The following MALRD1 variants were observed in gnomAD, a reference collection of about 807,000 sequenced individuals.
MALRD1 encodes MAM and LDL-receptor class A domain-containing protein 1.
Under a neutral mutation model 242.1 loss-of-function variants are expected in MALRD1, and 247 were observed. The observed-to-expected ratio is 1.02, with a 90% CI of 0.92 to 1.13. MALRD1 has a LOEUF of 1.13. Among genes scored for constraint, MALRD1 ranks in the 50% most tolerant of loss-of-function variants. MALRD1 has a pLI of 0.00. For synonymous variants in MALRD1, 995 were observed against 866.6 expected (o/e 1.15, Z -2.60); for missense variants, 2,989 against 2,533.1 (o/e 1.18, Z -3.86).
chr10:19,627,382 G>T (rs1388474889), intron 36 of MALRD1, among the ~76,000 whole-genome samples: 4 of 151,648 alleles, frequency 2.6e-5, no homozygotes, highest in African/African-American at 7.3e-5. Context: ...TATTCAGTGT[G>T]GTAAAAGACA....
intron 36 of MALRD1, among the ~76,000 whole-genome samples, chr10:19,635,778 TCACA>T (rs1291140539): frequency 6.6e-6 from 1 of 152,074 alleles, no homozygotes; most frequent in African/African-American, 2.4e-5. Context: ...CAAAATGCTC[TCACA>T]CACATGCATG....
chr10:19,233,994 T>A (rs1278418582), intron 18 of MALRD1, among the ~76,000 whole-genome samples: 1 of 152,078 alleles, frequency 6.6e-6, no homozygotes, highest in Admixed American at 6.5e-5. Flanking sequence ...TAATTGGTGC[T>A]GTATATGAAA....
chr10:19,156,574 T>G (rs1834155790), intron 12 of MALRD1, among the ~76,000 whole-genome samples: 1 of 151,954 alleles, frequency 6.6e-6, no homozygotes, highest in Admixed American at 6.6e-5. Flanking sequence ...TCACAAATGT[T>G]AGATATATAG....
Position 19,702,311 on chromosome 10 carries a change from C to G in MALRD1, c.6314+9757C>G, listed in dbSNP as rs572157908. On this transcript the variant is annotated intron_variant, in intron 38 of 39. Coordinates refer to ENST00000454679, the MANE Select transcript of MALRD1 (RefSeq NM_001142308.3). ...CACCCTACTCTTGGGAAAAGTCTCACTATTCCCAAAAAGCATATGACTATT... is the reference window on the plus strand; with the variant it reads ...CACCCTACTCTTGGGAAAAGTCTCAGTATTCCCAAAAAGCATATGACTATT... Among the ~76,000 whole-genome samples, 7 of 152,320 alleles carry G rather than the reference C, an allele frequency of 4.6e-5. No individual in the cohort carries two copies. In the South Asian group the frequency reaches 8.3e-4, roughly 18 times the overall value.
chr10:19,370,172 A>T (rs1352903960), intron 26 of MALRD1, among the ~76,000 whole-genome samples: 1 of 152,150 alleles, frequency 6.6e-6, no homozygotes, highest in African/African-American at 2.4e-5. Context: ...ATACCTGTAG[A>T]TCTACAACTG....
chr10:19,486,359 C>T (rs1191976067), intron 29 of MALRD1, among the ~76,000 whole-genome samples: 2 of 152,134 alleles, frequency 1.3e-5, no homozygotes, highest in Admixed American at 1.3e-4. Context: ...GTCTAAGCTC[C>T]TTTCATGCCT....
chr10:19,167,411 C>G (rs1328700737), intron 13 of MALRD1, among the ~76,000 whole-genome samples: 2 of 152,164 alleles, frequency 1.3e-5, no homozygotes, highest in East Asian at 3.9e-4. Context: ...CCGAAGCCCT[C>G]TATGCCTCTT....
In MALRD1 at chr10:19,087,914, A is replaced by G. The variant is rs1835728409; in HGVS notation, c.415A>G (p.Asn139Asp). 7 of 1,233,284 alleles carry G rather than the reference A, an allele frequency of 5.7e-6. No individual in the cohort carries two copies. Among genetic ancestry groups the G allele is most frequent in the East Asian group, 3.2e-5 (1 of 31,688 alleles). 76.4% of individuals were successfully genotyped at this position (1,233,284 alleles called of 1,614,324 possible). The change falls in exon 3 of 40, where the codon AAT becomes GAT. Residue 139 changes from asparagine (N) to aspartate (D), a missense_variant. Transcript: ENST00000454679. The stretch of plus-strand genomic sequence containing the variant: ...AAGAAGCAGAGTTTTCCTTCCAACA[A>G]ATGATCAACATGACTGCCAGGTATT... ...SLRSRVFLPT[N>D]DQHDCQITFY...
At chr10:19,441,271 T>A (rs1834631669) in intron 28 of MALRD1, among the ~76,000 whole-genome samples, 1 of 152,310 alleles carries the variant, frequency 6.6e-6, no homozygotes, top group East Asian at 1.9e-4. Context: ...TTGTAAAAAT[T>A]TTCTCCCATT....
At chr10:19,571,065 T>C (rs1836511022) in intron 33 of MALRD1, among the ~76,000 whole-genome samples, 1 of 152,136 alleles carries the variant, frequency 6.6e-6, no homozygotes. Context: ...TTGAGTCTTG[T>C]GTTTTTCCAA....
At position 19,199,813 on chromosome 10, in the gene MALRD1, TAAATA is replaced by T. The variant is rs10631948; in HGVS notation, c.1952-3889_1952-3885del. On this transcript the variant is annotated intron_variant, in intron 14 of 39. Coordinates refer to ENST00000454679, the MANE Select transcript of MALRD1 (RefSeq NM_001142308.3). ...AAGACTCTGTCTCCAAATAAATAAA[TAAATA>T]AAATAAAATAAAATAAAATAAAATA... Among the ~76,000 whole-genome samples the T allele has an allele frequency of 1.7e-4, 25 of 148,670 alleles. No homozygotes were observed. In the South Asian group the frequency reaches 1.9e-3, roughly 11 times the overall value.
At chr10:19,675,261 T>C (rs1343317275) in intron 36 of MALRD1, among the ~76,000 whole-genome samples, 1 of 152,170 alleles carries the variant, frequency 6.6e-6, no homozygotes, top group Non-Finnish European at 1.5e-5. Flanking sequence ...TTTGATAATA[T>C]ATAAACTGCC....
chr10:19,193,140 A>G (rs538643580), intron 14 of MALRD1, among the ~76,000 whole-genome samples: 4 of 152,344 alleles, frequency 2.6e-5, no homozygotes, highest in Non-Finnish European at 5.9e-5. Flanking sequence ...TATGCCCCAC[A>G]ATGAGTTCTG....
At chr10:19,435,924 T>G (rs1440753671) in intron 28 of MALRD1, among the ~76,000 whole-genome samples, 2 of 152,176 alleles carry the variant, frequency 1.3e-5, no homozygotes, top group African/African-American at 4.8e-5. Flanking sequence ...AACCATTTAT[T>G]TATATTAGTA....
chr10:19,211,314 T>A (rs760300464), intron 18 of MALRD1, among the ~76,000 whole-genome samples: 4 of 152,040 alleles, frequency 2.6e-5, no homozygotes, highest in Non-Finnish European at 4.4e-5. Flanking sequence ...AGGCTCCTTT[T>A]AGTCTAAAAA....
At chr10:19,236,173 A>C (rs75391730) in intron 18 of MALRD1, among the ~76,000 whole-genome samples, 1 of 152,236 alleles carries the variant, frequency 6.6e-6, no homozygotes, top group East Asian at 1.9e-4. Flanking sequence ...TTTTGGATAC[A>C]TGTGGGCACT....
At chr10:19,450,174 A>T in intron 28 of MALRD1, 133 bp from the exon 29 acceptor site, 3 of 764,432 alleles carry the variant, frequency 3.9e-6, no homozygotes, top group East Asian at 2.7e-5. Flanking sequence ...CCTTTCACAG[A>T]TTCAGTGCTT....
At chr10:19,169,943 C>T (rs962636268) in intron 13 of MALRD1, among the ~76,000 whole-genome samples, 1 of 152,128 alleles carries the variant, frequency 6.6e-6, no homozygotes, top group Non-Finnish European at 1.5e-5. Flanking sequence ...AGAAAGACAT[C>T]AAATCATGTG....
chr10:19,288,445 C>G (rs1841246174), intron 21 of MALRD1, among the ~76,000 whole-genome samples: 1 of 152,212 alleles, frequency 6.6e-6, no homozygotes, highest in East Asian at 1.9e-4. Context: ...CAGCCTCCTG[C>G]TACCCTTCCC....
Sources: allele counts gnomAD v4.1 joint callset (sites outside exome capture counted in the v4.1 genomes callset), GRCh38; gene constraint gnomAD v4.1.1; transcripts MANE v1.5; gene names NCBI Gene and HGNC (gene_info 2026-07-23, HGNC 2026-07-21).